The following NUP62CL variants were observed in gnomAD, a reference collection of about 807,000 sequenced individuals.
NUP62CL encodes the protein nucleoporin-62 C-terminal-like protein.
Under a neutral mutation model 15.3 loss-of-function variants are expected in NUP62CL, and 13 were observed. The observed-to-expected ratio is 0.85, with a 90% CI of 0.55 to 1.35. The LOEUF (loss-of-function observed/expected upper bound fraction) is 1.35, where lower values mean the gene tolerates loss of function less well. NUP62CL is among the 40% of genes most tolerant of loss of function. The pLI is 0.00. For missense variants in NUP62CL, 123 were observed against 130.6 expected (o/e 0.94, Z 0.28); for synonymous variants, 54 against 49.2 (o/e 1.10, Z -0.41).
In NUP62CL at chrX:107,206,373, G is replaced by C. The variant is rs1292069553; in HGVS notation, c.-192C>G. On this transcript the variant is annotated 5_prime_UTR_variant, in exon 1 of 9. Coordinates refer to ENST00000372466, the MANE Select transcript of NUP62CL (RefSeq NM_017681.3). The stretch of plus-strand genomic sequence containing the variant: ...GAGGGGCGGGTCCGGACCTGCTCGA[G>C]CCGGAAAGAATCGGCCTCCTTAGTG... 1.8e-5 allele frequency: 2 copies of C among 110,390 alleles called. No individual in the cohort carries two copies. Among genetic ancestry groups the C allele is most frequent in the Non-Finnish European group, 1.9e-5 (1 of 52,748 alleles). 9.1% of individuals were successfully genotyped at this position (110,390 alleles called of 1,213,427 possible).
In NUP62CL at chrX:107,124,324, G is replaced by A. The variant is rs1421303829; in HGVS notation, c.*51C>T. 2.1e-5 allele frequency: 7 copies of A among 339,916 alleles called. No individual in the cohort carries two copies. The highest frequency in any genetic ancestry group is 4.4e-4 in the Middle Eastern group (1 of 2,283). 28.0% of individuals were successfully genotyped at this position (339,916 alleles called of 1,213,427 possible). A position where few individuals can be genotyped will look rare whatever the true frequency, so the allele number is the denominator to read the frequency against. On this transcript the variant is annotated 3_prime_UTR_variant, in exon 9 of 9. Coordinates refer to ENST00000372466, the MANE Select transcript of NUP62CL (RefSeq NM_017681.3). ...CGTGTTACCACTTCTACCTTCCTTC[G>A]CAGCATGCCTATAGGAGAAAAAGTC...
intron 1 of NUP62CL, among the ~76,000 whole-genome samples, chrX:107,197,338 A>AT (rs1927379937): frequency 9.0e-6 from 1 of 111,305 alleles, no homozygotes; most frequent in African/African-American, 3.3e-5. Context: ...AACAAACAGG[A>AT]ACTTAGCACA....
intron 1 of NUP62CL, among the ~76,000 whole-genome samples, chrX:107,205,124 T>C (rs1927642996): frequency 9.0e-6 from 1 of 111,223 alleles, no homozygotes; most frequent in South Asian, 3.6e-4. Context: ...GTCGGTTATA[T>C]ATTGTCTACA....
At chrX:107,195,854 A>T (rs1318509819) in intron 1 of NUP62CL, among the ~76,000 whole-genome samples, 2 of 111,366 alleles carry the variant, frequency 1.8e-5, no homozygotes, top group African/African-American at 6.5e-5. Context: ...ATAAATTATA[A>T]TATTATTATA....
intron 3 of NUP62CL, among the ~76,000 whole-genome samples, chrX:107,170,607 T>A (rs1453927916): frequency 9.1e-6 from 1 of 110,394 alleles, no homozygotes; most frequent in South Asian, 3.9e-4. Context: ...ACAGACGGGG[T>A]TTCACTGTGT....
At position 107,184,309 on chromosome X, in the gene NUP62CL, AAG is replaced by A. The variant is rs1397226408; in HGVS notation, c.-48+8718_-48+8719del. Among the ~76,000 whole-genome samples the A allele has an allele frequency of 7.4e-4, 25 of 33,903 alleles. 1 individual carries two copies. Among genetic ancestry groups the A allele is most frequent in the African/African-American group, 4.3e-3 (24 of 5,536 alleles). The allele number at this position is 33,903 out of a possible 115,157, so 29.4% of individuals were successfully genotyped here. A position where few individuals can be genotyped will look rare whatever the true frequency, so the allele number is the denominator to read the frequency against. On this transcript the variant is annotated intron_variant, in intron 2 of 8. Coordinates refer to ENST00000372466, the MANE Select transcript of NUP62CL (RefSeq NM_017681.3). ...CACAAAAAAAGAGAAGAAAGAAAGA[AAG>A]AAAGAAAGAAAGAAAGAAAGAAAGA...
In NUP62CL at chrX:107,155,267, A is replaced by G. The variant is rs943669809; in HGVS notation, c.195-1021T>C. Among the ~76,000 whole-genome samples the G allele has an allele frequency of 7.1e-5, 8 of 112,093 alleles. No homozygotes were observed. The Admixed American group carries it at 7.5e-4, about 11-fold the overall frequency. On this transcript the variant is annotated intron_variant, in intron 4 of 8. Transcript: ENST00000372466. ...AGAGAGCTAAGCCTTCATACCAACCAAGGAGGCTGAATGAAGTGATATGAA... is the reference window on the plus strand; with the variant it reads ...AGAGAGCTAAGCCTTCATACCAACCGAGGAGGCTGAATGAAGTGATATGAA...
intron 7 of NUP62CL, among the ~76,000 whole-genome samples, chrX:107,152,177 TATATATTCAG>T (rs1339881347): frequency 1.1e-5 from 1 of 92,493 alleles, no homozygotes; most frequent in African/African-American, 4.0e-5. Context: ...TTCAGATATA[TATATATTCAG>T]ATATATATAT....
rs753603215 is a variant in NUP62CL at position 107,200,548 on chromosome X, G to A, written c.-92+5725C>T. Among the ~76,000 whole-genome samples, 12 of 108,873 alleles carry A rather than the reference G, an allele frequency of 1.1e-4. No homozygotes were observed. The South Asian group carries it at 4.9e-3, about 45-fold the overall frequency. 94.5% of individuals were successfully genotyped at this position (108,873 alleles called of 115,157 possible). On this transcript the variant is annotated intron_variant, in intron 1 of 8. Transcript: ENST00000372466. ...GCAGGAGAATCGCTTGAACCTGGGA[G>A]GTGGAGGTTGCAGTGAGCCGAGATC... is the stretch of plus-strand genomic sequence containing the variant.
intron 3 of NUP62CL, 88 bp from the exon 4 acceptor site, chrX:107,167,872 AT>A: frequency 1.2e-6 from 1 of 859,603 alleles, no homozygotes; most frequent in African/African-American, 2.0e-5. Context: ...TTATGGAGGC[AT>A]TTTTAAAAAT....
chrX:107,167,671 C>G lies in NUP62CL; in HGVS notation c.172G>C (p.Val58Leu). 1 of 1,205,307 alleles carries G rather than the reference C, an allele frequency of 8.3e-7. No homozygotes were observed. The highest frequency in any genetic ancestry group is 1.8e-5 in the South Asian group (1 of 55,966). ...QLLSRGFENL[V>L]PYTSTVSVVA... ...TACCTAACAGTTGAAGTATAAGGTA[C>G]AAGGTTTTCAAACCCTCTTGATAAC... is the stretch of plus-strand genomic sequence containing the variant. The change falls in exon 4 of 9, where the codon GTA (valine) becomes CTA (leucine). Residue 58 changes from valine (V) to leucine (L), a missense_variant. Transcript: ENST00000372466.
chrX:107,189,991 G>A lies in NUP62CL; in HGVS notation c.-48+3038C>T, dbSNP rs144664089. 6.4e-3 allele frequency among the ~76,000 whole-genome samples: 706 copies of A among 110,198 alleles called. 6 individuals carry two copies. The highest frequency in any genetic ancestry group is 0.022 in the African/African-American group (661 of 30,260). ...TCTGGATGAATCTCCAGAAAATTAC[G>A]CTGAGTGAAAAAAGGCATTCCCAAA... On this transcript the variant is annotated intron_variant, in intron 2 of 8. Coordinates refer to ENST00000372466, the MANE Select transcript of NUP62CL (RefSeq NM_017681.3).
At chrX:107,181,186 G>C (rs1387846358) in intron 2 of NUP62CL, among the ~76,000 whole-genome samples, 22 of 109,870 alleles carry the variant, frequency 2.0e-4, no homozygotes. Context: ...AAAGTGCTGG[G>C]ATTACAGGCA....
chrX:107,196,146 T>C (rs1311084728), intron 1 of NUP62CL, among the ~76,000 whole-genome samples: 1 of 111,756 alleles, frequency 8.9e-6, no homozygotes, highest in Admixed American at 9.5e-5. Context: ...TCCTATTAAA[T>C]GTAGCACATA....
intron 3 of NUP62CL, among the ~76,000 whole-genome samples, chrX:107,173,857 C>A (rs1602656001): frequency 9.1e-6 from 1 of 110,261 alleles, no homozygotes; most frequent in East Asian, 2.9e-4. Flanking sequence ...TGGAGACAAT[C>A]TTACTGTCAT....
intron 2 of NUP62CL, among the ~76,000 whole-genome samples, chrX:107,185,302 TA>T (rs1478396545): frequency 2.1e-5 from 2 of 93,375 alleles, no homozygotes; most frequent in African/African-American, 8.4e-5. Flanking sequence ...AAACAACAAA[TA>T]AAAGCAAAAA....
intron 1 of NUP62CL, among the ~76,000 whole-genome samples, chrX:107,204,806 A>T (rs963278269): frequency 1.1e-5 from 1 of 88,057 alleles, no homozygotes; most frequent in Non-Finnish European, 2.1e-5. Flanking sequence ...ATTTAAATAA[A>T]TTTTAAATAA....
At chrX:107,191,342 TA>T (rs373600543) in intron 2 of NUP62CL, among the ~76,000 whole-genome samples, 6 of 108,342 alleles carry the variant, frequency 5.5e-5, no homozygotes, top group African/African-American at 2.0e-4. Flanking sequence ...TGATCCACCT[TA>T]AGGGGAAAAA....
chrX:107,176,634 T>A (rs1235033766), intron 2 of NUP62CL, among the ~76,000 whole-genome samples: 1 of 109,648 alleles, frequency 9.1e-6, no homozygotes, highest in African/African-American at 3.3e-5. Flanking sequence ...TCTGTGACTA[T>A]ATTAAAAACC....
Sources: gnomAD v4.1 joint callset for allele counts (sites outside exome capture counted in the v4.1 genomes callset) on GRCh38, gnomAD v4.1.1 for gene constraint, MANE v1.5 for transcripts, NCBI Gene and HGNC (gene_info 2026-07-23, HGNC 2026-07-21) for gene names.